Variants in PODXL observed in about 807,000 individuals in gnomAD.
PODXL encodes podocalyxin.
Under a neutral mutation model 48.9 loss-of-function variants are expected in PODXL, and 20 were observed. The observed-to-expected ratio is 0.41, with a 90% CI of 0.29 to 0.59. The LOEUF (loss-of-function observed/expected upper bound fraction) is 0.59. Among genes scored for constraint, PODXL ranks in the 20% least tolerant of loss-of-function variants. The pLI, the probability that PODXL is intolerant of heterozygous loss-of-function variation, is 0.31. For synonymous variants in PODXL, 295 were observed against 287.4 expected (o/e 1.03, Z -0.27); for missense variants, 606 against 675.1 (o/e 0.90, Z 1.13).
chr7:131,531,657 G>T (rs182567769), intron 1 of PODXL, among the ~76,000 whole-genome samples: 1 of 152,180 alleles, frequency 6.6e-6, no homozygotes, highest in Non-Finnish European at 1.5e-5. Context: ...GCAGTATCCC[G>T]CCAACCTCTG....
intron 7 of PODXL, 42 bp from the exon 8 acceptor site, chr7:131,506,077 C>G: frequency 1.3e-6 from 2 of 1,588,636 alleles, no homozygotes; most frequent in Non-Finnish European, 1.7e-6. Flanking sequence ...GGCATCCTCT[C>G]TCCCTCAGCC....
intron 6 of PODXL, 112 bp from the exon 7 acceptor site, chr7:131,506,433 T>G: frequency 7.0e-7 from 1 of 1,438,700 alleles, no homozygotes; most frequent in Non-Finnish European, 9.8e-7. Flanking sequence ...TGAGTGTCTC[T>G]CGGGTGACCT....
chr7:131,556,365 C>A lies in PODXL; in HGVS notation c.-6G>T. Reference sequence around the variant, plus strand: ...AGCGCCAGCGCGCAGCGCATCGTGTCGTCGCCTCTGGGCCGGGAGCAGGTG... The same window carrying A: ...AGCGCCAGCGCGCAGCGCATCGTGTAGTCGCCTCTGGGCCGGGAGCAGGTG... On this transcript the variant is annotated 5_prime_UTR_variant, in exon 1 of 9. Coordinates refer to ENST00000378555, the MANE Select transcript of PODXL (RefSeq NM_001018111.3). 2 of 1,410,658 alleles carry A rather than the reference C, an allele frequency of 1.4e-6. No individual in the cohort carries two copies. Among genetic ancestry groups the A allele is most frequent in the Non-Finnish European group, 9.2e-7 (1 of 1,082,764 alleles). The allele number at this position is 1,410,658 out of a possible 1,614,324, so 87.4% of individuals were successfully genotyped here.
Position 131,501,420 on chromosome 7 carries a change from A to G in PODXL, c.*2891T>C, listed in dbSNP as rs1488760973. 6.5e-6 allele frequency: 1 copy of G among 152,674 alleles called. No homozygotes were observed. Among genetic ancestry groups the G allele is most frequent in the Admixed American group, 6.5e-5 (1 of 15,286 alleles). The allele number at this position is 152,674 out of a possible 1,614,324, so 9.5% of individuals were successfully genotyped here. On this transcript the variant is annotated 3_prime_UTR_variant, in exon 9 of 9. Coordinates refer to ENST00000378555, the MANE Select transcript of PODXL (RefSeq NM_001018111.3). ...TCTCCAGTATATTGTCAAAAAAGAT[A>G]AAGCTCAAGAAGTGGTTTAAATAAA...
chr7:131,540,893 G>C (rs534278627), intron 1 of PODXL, among the ~76,000 whole-genome samples: 9 of 152,316 alleles, frequency 5.9e-5, no homozygotes, highest in South Asian at 2.1e-4. Context: ...TCTGGGAAGA[G>C]AGGGAGAAAG....
At chr7:131,522,277 C>A (rs1025508752) in intron 1 of PODXL, among the ~76,000 whole-genome samples, 2 of 152,064 alleles carry the variant, frequency 1.3e-5, no homozygotes, top group African/African-American at 4.8e-5. Context: ...ACAATGAAAC[C>A]CTGTCTCTAC....
chr7:131,524,372 A>ACACG (rs1798141700), intron 1 of PODXL, among the ~76,000 whole-genome samples: 3 of 73,704 alleles, frequency 4.1e-5, no homozygotes, highest in African/African-American at 1.3e-4. Flanking sequence ...GCACACACAC[A>ACACG]CACACACAGA....
At chr7:131,536,789 T>C (rs371487429) in intron 1 of PODXL, among the ~76,000 whole-genome samples, 60 of 152,226 alleles carry the variant, frequency 3.9e-4, no homozygotes, top group African/African-American at 1.4e-3. Context: ...CCTTTCCCTA[T>C]CATTTTAAAA....
intron 1 of PODXL, among the ~76,000 whole-genome samples, chr7:131,553,662 CA>C (rs1197118195): frequency 1.3e-5 from 2 of 152,180 alleles, no homozygotes; most frequent in Non-Finnish European, 2.9e-5. Context: ...CTCTCTGACC[CA>C]AAGTCTGAGT....
intron 1 of PODXL, among the ~76,000 whole-genome samples, chr7:131,541,189 A>G (rs1798475457): frequency 6.6e-6 from 1 of 152,210 alleles, no homozygotes. Flanking sequence ...CTTACTCTGC[A>G]AAGCAGGGCA....
In PODXL at chr7:131,532,447, AAAAAT is replaced by A. The variant is rs1798296051; in HGVS notation, c.101-21019_101-21015del. Among the ~76,000 whole-genome samples, 4 of 143,240 alleles carry A rather than the reference AAAAAT, an allele frequency of 2.8e-5. No individual in the cohort carries two copies. In the South Asian group the frequency reaches 6.7e-4, roughly 24 times the overall value. 94.0% of individuals were successfully genotyped at this position (143,240 alleles called of 152,430 possible). A position where few individuals can be genotyped will look rare whatever the true frequency, so the allele number is the denominator to read the frequency against. The stretch of plus-strand genomic sequence containing the variant: ...CAAGACTCCGTCTCAAAAAAAAAAA[AAAAAT>A]TAAAAATAAATAATAATAATAATAA... On this transcript the variant is annotated intron_variant, in intron 1 of 8. Coordinates refer to ENST00000378555, the MANE Select transcript of PODXL (RefSeq NM_001018111.3).
Position 131,509,104 on chromosome 7 carries a change from G to C in PODXL, c.1024-76C>G, listed in dbSNP as rs56123664. 181,654 of 1,281,456 alleles carry C rather than the reference G, an allele frequency of 0.14. 14,294 individuals are homozygous for C. The highest frequency in any genetic ancestry group is 0.24 in the Middle Eastern group (1,296 of 5,422). 79.4% of individuals were successfully genotyped at this position (1,281,456 alleles called of 1,614,324 possible). The stretch of plus-strand genomic sequence containing the variant: ...TGACATTTCCCCCCAACTAAGGGGT[G>C]ACCCAGATAGGAAAGAGTTCACGGC... On this transcript the variant is annotated intron_variant, in intron 4 of 8. Transcript: ENST00000378555.
intron 1 of PODXL, among the ~76,000 whole-genome samples, chr7:131,550,298 G>A (rs1056098518): frequency 6.6e-6 from 1 of 152,172 alleles, no homozygotes; most frequent in Non-Finnish European, 1.5e-5. Context: ...TTACCCTTAT[G>A]GTAGAGGGGT....
chr7:131,531,558 G>C (rs1798281056), intron 1 of PODXL, among the ~76,000 whole-genome samples: 1 of 152,136 alleles, frequency 6.6e-6, no homozygotes. Flanking sequence ...TACCACAAAG[G>C]CTTAAAACAA....
chr7:131,526,759 T>TTTTTTTTTTTA lies in PODXL; in HGVS notation c.101-15327_101-15326insTAAAAAAAAAA, dbSNP rs1798193270. ...TTACTCTTTTTTTTTTTTTTTTTTT[T>TTTTTTTTTTTA]GAGACGGAGTCTGTTGCCCAGGCTG... On this transcript the variant is annotated intron_variant, in intron 1 of 8. Coordinates refer to ENST00000378555, the MANE Select transcript of PODXL (RefSeq NM_001018111.3). Among the ~76,000 whole-genome samples, 4 of 148,004 alleles carry TTTTTTTTTTTA rather than the reference T, an allele frequency of 2.7e-5. 1 individual carries two copies. The highest frequency in any genetic ancestry group is 1.0e-4 in the African/African-American group (4 of 40,194).
chr7:131,530,264 G>T (rs978476234), intron 1 of PODXL, among the ~76,000 whole-genome samples: 3 of 151,838 alleles, frequency 2.0e-5, no homozygotes, highest in African/African-American at 7.3e-5. Context: ...AGGGTGGCAT[G>T]GGAGAGCCGG....
At chr7:131,507,399 G>A (rs139756311) in intron 5 of PODXL, among the ~76,000 whole-genome samples, 3 of 152,182 alleles carry the variant, frequency 2.0e-5, no homozygotes, top group Non-Finnish European at 4.4e-5. Context: ...TGTGGCTGAC[G>A]TGGCTTTAGA....
chr7:131,517,102 A>G (rs891239008), intron 1 of PODXL, among the ~76,000 whole-genome samples: 1 of 152,154 alleles, frequency 6.6e-6, no homozygotes, highest in East Asian at 1.9e-4. Flanking sequence ...GATATTGTTA[A>G]GAGGACTATT....
chr7:131,522,964 T>C (rs1451387675), intron 1 of PODXL, among the ~76,000 whole-genome samples: 1 of 152,264 alleles, frequency 6.6e-6, no homozygotes, highest in Admixed American at 6.5e-5. Flanking sequence ...ACCCTTGGGC[T>C]ATTATGCATA....
Sources: gnomAD v4.1 joint callset for allele counts (sites outside exome capture counted in the v4.1 genomes callset) on GRCh38, gnomAD v4.1.1 for gene constraint, MANE v1.5 for transcripts, NCBI Gene and HGNC (gene_info 2026-07-23, HGNC 2026-07-21) for gene names.